SCMH1: variants seen among roughly 807,000 people sequenced by gnomAD.
The protein encoded by SCMH1 is polycomb protein SCMH1.
SCMH1 carries 37 observed loss-of-function variants against 70.8 expected under a neutral mutation model. That is an observed-to-expected ratio of 0.52 (90% CI 0.40 to 0.69). SCMH1 has a LOEUF of 0.69. Among genes scored for constraint, SCMH1 ranks in the 30% least tolerant of loss-of-function variants. The pLI is 0.00. For synonymous variants in SCMH1, 292 were observed against 307.4 expected (o/e 0.95, Z 0.52); for missense variants, 607 against 827.3 (o/e 0.73, Z 3.27).
At chr1:41,220,950 G>A (rs2148848070) in intron 1 of SCMH1, among the ~76,000 whole-genome samples, 1 of 152,036 alleles carries the variant, frequency 6.6e-6, no homozygotes, top group African/African-American at 2.4e-5. Context: ...CTTTATCCTG[G>A]ATTAATTACT....
intron 2 of SCMH1, among the ~76,000 whole-genome samples, chr1:41,179,194 A>C (rs528413931): frequency 6.6e-6 from 1 of 152,220 alleles, no homozygotes; most frequent in Non-Finnish European, 1.5e-5. Flanking sequence ...CAACGAGAAC[A>C]AAGACACAAC....
chr1:41,165,517 G>T (rs1463231201), intron 2 of SCMH1, among the ~76,000 whole-genome samples: 4 of 152,026 alleles, frequency 2.6e-5, no homozygotes, highest in African/African-American at 7.2e-5. Context: ...GTGTATAAAG[G>T]TTCCTTTTTC....
chr1:41,066,810 G>A (rs562145969), intron 10 of SCMH1, among the ~76,000 whole-genome samples: 2 of 152,064 alleles, frequency 1.3e-5, no homozygotes, highest in African/African-American at 4.8e-5. Context: ...GGCTGGTCTT[G>A]AACTCCTGAG....
At chr1:41,073,210 A>G (rs1339814687) in intron 9 of SCMH1, among the ~76,000 whole-genome samples, 1 of 152,188 alleles carries the variant, frequency 6.6e-6, no homozygotes, top group Non-Finnish European at 1.5e-5. Flanking sequence ...CCAGTCCCTG[A>G]TGAAACACCT....
intron 1 of SCMH1, among the ~76,000 whole-genome samples, chr1:41,222,444 G>A (rs181989670): frequency 5.4e-4 from 82 of 152,100 alleles, no homozygotes; most frequent in African/African-American, 2.0e-3. Flanking sequence ...AGCTATATAA[G>A]CACCTTTACC....
chr1:41,051,766 C>T (rs1272183920), intron 10 of SCMH1, among the ~76,000 whole-genome samples: 1 of 151,832 alleles, frequency 6.6e-6, no homozygotes. Context: ...TTAAAAGAGT[C>T]AAAAAGTTAA....
At chr1:41,035,539 C>G (rs1645170570) in intron 13 of SCMH1, among the ~76,000 whole-genome samples, 1 of 152,160 alleles carries the variant, frequency 6.6e-6, no homozygotes, top group African/African-American at 2.4e-5. Context: ...CTTCCCTGAC[C>G]AGGCCTTTCT....
exon 15 of SCMH1, chr1:41,028,016 C>G: frequency 1.4e-6 from 1 of 705,144 alleles, no homozygotes; most frequent in Non-Finnish European, 2.4e-6. Context: ...CTCCTCAGTC[C>G]TTCATGGAAG....
intron 9 of SCMH1, among the ~76,000 whole-genome samples, chr1:41,072,619 T>C (rs1445231597): frequency 6.6e-6 from 1 of 152,162 alleles, no homozygotes; most frequent in African/African-American, 2.4e-5. Context: ...CCCAGCACTA[T>C]GGGAGGTCTA....
chr1:41,095,978 A>C (rs1443116351), intron 8 of SCMH1, among the ~76,000 whole-genome samples: 1 of 152,236 alleles, frequency 6.6e-6, no homozygotes, highest in African/African-American at 2.4e-5. Context: ...GAAAAACAGA[A>C]TAGGATAGCA....
At chr1:41,226,449 T>TAAA (rs1660287018) in intron 1 of SCMH1, among the ~76,000 whole-genome samples, 1 of 152,168 alleles carries the variant, frequency 6.6e-6, no homozygotes, top group African/African-American at 2.4e-5. Flanking sequence ...TAAGGATTAC[T>TAAA]TTTGTAAATG....
chr1:41,049,699 G>C (rs1474020716), intron 10 of SCMH1, among the ~76,000 whole-genome samples: 1 of 151,052 alleles, frequency 6.6e-6, no homozygotes, highest in South Asian at 2.1e-4. Flanking sequence ...CCTGGAAGGT[G>C]GAGCTTGCAG....
At chr1:41,213,088 T>C (rs1383075749) in intron 1 of SCMH1, among the ~76,000 whole-genome samples, 1 of 152,128 alleles carries the variant, frequency 6.6e-6, no homozygotes, top group Non-Finnish European at 1.5e-5. Context: ...AATAACTTGG[T>C]AAATAAAATT....
intron 8 of SCMH1, among the ~76,000 whole-genome samples, chr1:41,093,505 G>T (rs997792827): frequency 6.6e-6 from 1 of 152,054 alleles, no homozygotes; most frequent in African/African-American, 2.4e-5. Context: ...GTGTACCCTA[G>T]AACTTAAAGT....
intron 8 of SCMH1, among the ~76,000 whole-genome samples, chr1:41,097,687 C>T (rs1572081585): frequency 6.6e-6 from 1 of 152,144 alleles, no homozygotes; most frequent in African/African-American, 2.4e-5. Flanking sequence ...TAATATACAT[C>T]CTCAAAATCC....
Position 41,206,126 on chromosome 1 carries a change from C to T in SCMH1, c.-117-19876G>A, listed in dbSNP as rs567072811. 3.6e-4 allele frequency among the ~76,000 whole-genome samples: 55 copies of T among 152,238 alleles called. No individual in the cohort carries two copies. In the South Asian group the frequency reaches 0.01, roughly 28 times the overall value. ...AAGCTGAAAATTCTAAAAACCAGAG[C>T]GCCTCTTCTCCTCCAAAGGATCGCA... On this transcript the variant is annotated intron_variant, in intron 1 of 14. Transcript: ENST00000337495.
chr1:41,048,699 C>T (rs1346521128), exon 11 of SCMH1: 3 of 1,614,018 alleles, frequency 1.9e-6, no homozygotes, highest in Admixed American at 1.7e-5. Context: ...CCTGAGATAA[C>T]CTCACCACCA....
chr1:41,175,539 T>A (rs931213440), intron 2 of SCMH1, among the ~76,000 whole-genome samples: 1 of 152,192 alleles, frequency 6.6e-6, no homozygotes, highest in Non-Finnish European at 1.5e-5. Context: ...GCTCCCATTG[T>A]TTCTGTTTTG....
intron 1 of SCMH1, among the ~76,000 whole-genome samples, chr1:41,231,419 AG>A (rs971253342): frequency 2.6e-5 from 4 of 152,214 alleles, no homozygotes; most frequent in Non-Finnish European, 4.4e-5. Context: ...CTATTAGAAC[AG>A]TTTTAGATTT....
Sources: allele counts gnomAD v4.1 joint callset (sites outside exome capture counted in the v4.1 genomes callset), GRCh38; gene constraint gnomAD v4.1.1; transcripts MANE v1.5; gene names NCBI Gene and HGNC (gene_info 2026-07-23, HGNC 2026-07-21).